ROR2: variants seen among roughly 807,000 people sequenced by gnomAD.
ROR2 encodes the protein tyrosine-protein kinase transmembrane receptor ROR2.
Under a neutral mutation model 74.9 loss-of-function variants are expected in ROR2, and 33 were observed. The observed-to-expected ratio is 0.44, with a 90% CI of 0.33 to 0.59. The LOEUF is 0.59. ROR2 is among the 20% of genes least tolerant of loss of function. ROR2 has a pLI of 0.02. For missense variants in ROR2, 1,216 were observed against 1,313.8 expected (o/e 0.93, Z 1.15); for synonymous variants, 586 against 558.7 (o/e 1.05, Z -0.69).
chr9:91,821,878 G>T (rs1039507313), intron 1 of ROR2, among the ~76,000 whole-genome samples: 1 of 152,118 alleles, frequency 6.6e-6, no homozygotes, highest in South Asian at 2.1e-4. Context: ...TGGGACCGAG[G>T]GTCCTTGTCT....
rs1035785824 is a variant in ROR2 at position 91,877,156 on chromosome 9, T to C, written c.97+72711A>G. ...GAACATGACGTGCAACTGAGAATGATACCCAAACTATCAAGCACGTGCAGG... is the reference window on the plus strand; with the variant it reads ...GAACATGACGTGCAACTGAGAATGACACCCAAACTATCAAGCACGTGCAGG... On this transcript the variant is annotated intron_variant, in intron 1 of 8. Coordinates refer to ENST00000375708, the MANE Select transcript of ROR2 (RefSeq NM_004560.4). Among the ~76,000 whole-genome samples, 7 of 152,206 alleles carry C rather than the reference T, an allele frequency of 4.6e-5. No homozygotes were observed. The South Asian group carries it at 6.2e-4, about 13-fold the overall frequency.
At chr9:91,772,728 T>C (rs17586213) in intron 2 of ROR2, among the ~76,000 whole-genome samples, 5,041 of 152,298 alleles carry the variant, frequency 0.033, 128 homozygotes, top group East Asian at 0.13. Flanking sequence ...CTTTCGGTCA[T>C]GGGAACGCAC....
chr9:91,728,822 T>G (rs1312604307), intron 7 of ROR2, among the ~76,000 whole-genome samples: 1 of 152,222 alleles, frequency 6.6e-6, no homozygotes, highest in African/African-American at 2.4e-5. Flanking sequence ...CAGCAGCTCA[T>G]GTTGGAGCAG....
chr9:91,915,892 G>A (rs949388939), intron 1 of ROR2, among the ~76,000 whole-genome samples: 2 of 152,136 alleles, frequency 1.3e-5, no homozygotes, highest in Non-Finnish European at 1.5e-5. Flanking sequence ...AAACGAAAAA[G>A]TTCTCCAAGT....
intron 1 of ROR2, among the ~76,000 whole-genome samples, chr9:91,783,875 T>C (rs1587715384): frequency 6.6e-6 from 1 of 152,104 alleles, no homozygotes; most frequent in Non-Finnish European, 1.5e-5. Context: ...CTGGATCTTT[T>C]CCTGCCTCCA....
chr9:91,737,423 T>A lies in ROR2; in HGVS notation c.590A>T (p.Gln197Leu). 1 of 1,614,166 alleles carries A rather than the reference T, an allele frequency of 6.2e-7. No individual in the cohort carries two copies. The highest frequency in any genetic ancestry group is 8.5e-7 in the Non-Finnish European group (1 of 1,180,036). The change falls in exon 5 of 9, where the codon CAG becomes CTG. Residue 197 changes from glutamine (Q) to leucine (L), a missense_variant. Transcript: ENST00000375708. ...TCGGTTTTCAATCTCCCCCTGCATC[T>A]GAAGCGAGTCCACATAAATGGTCCG... ...GNRTIYVDSL[Q>L]MQGEIENRIT... is the part of the protein sequence containing the mutation.
rs141028030 is a variant in ROR2 at position 91,822,414 on chromosome 9, G to C, written c.98-46596C>G. Among the ~76,000 whole-genome samples, 4 of 152,256 alleles carry C rather than the reference G, an allele frequency of 2.6e-5. No individual in the cohort carries two copies. The East Asian group carries it at 7.7e-4, about 29-fold the overall frequency. On this transcript the variant is annotated intron_variant, in intron 1 of 8. Coordinates refer to ENST00000375708, the MANE Select transcript of ROR2 (RefSeq NM_004560.4). ...TGGAAGAAAGACTCAAAAACTAAAA[G>C]AACAAAGGCACCTGCTTCCAGGGCT...
chr9:91,933,530 A>G (rs1385228052), intron 1 of ROR2, among the ~76,000 whole-genome samples: 2 of 152,244 alleles, frequency 1.3e-5, no homozygotes, highest in Non-Finnish European at 2.9e-5. Flanking sequence ...ACCAATGTAT[A>G]CATAAATGAC....
At chr9:91,787,746 A>C (rs987902515) in intron 1 of ROR2, among the ~76,000 whole-genome samples, 2 of 152,196 alleles carry the variant, frequency 1.3e-5, no homozygotes, top group African/African-American at 4.8e-5. Context: ...TCCAATTTTT[A>C]ACAGAGAATC....
At chr9:91,928,806 G>A (rs980256783) in intron 1 of ROR2, among the ~76,000 whole-genome samples, 6 of 152,184 alleles carry the variant, frequency 3.9e-5, no homozygotes, top group Non-Finnish European at 8.8e-5. Flanking sequence ...GAGGACCCCC[G>A]TTCAGTGGTG....
chr9:91,745,978 AG>A (rs1825398229), intron 4 of ROR2, among the ~76,000 whole-genome samples: 1 of 152,216 alleles, frequency 6.6e-6, no homozygotes, highest in African/African-American at 2.4e-5. Flanking sequence ...GAACTTGATT[AG>A]GTTGGTGGTC....
chr9:91,727,471 CA>C (rs112475106), intron 7 of ROR2, among the ~76,000 whole-genome samples: 202 of 151,670 alleles, frequency 1.3e-3, no homozygotes, highest in African/African-American at 4.7e-3. Flanking sequence ...CAGAAAGGTA[CA>C]GGGGGCACAC....
intron 1 of ROR2, among the ~76,000 whole-genome samples, chr9:91,867,197 G>A (rs1829659959): frequency 6.6e-6 from 1 of 152,166 alleles, no homozygotes; most frequent in South Asian, 2.1e-4. Context: ...AGCTTCCAGA[G>A]GAGGCTTCCA....
At chr9:91,807,605 C>G (rs960301857) in intron 1 of ROR2, among the ~76,000 whole-genome samples, 1 of 152,168 alleles carries the variant, frequency 6.6e-6, no homozygotes, top group African/African-American at 2.4e-5. Flanking sequence ...AAGAGGCAGT[C>G]TTGCAGAACT....
chr9:91,913,395 T>G (rs1343254160), intron 1 of ROR2, among the ~76,000 whole-genome samples: 3 of 152,148 alleles, frequency 2.0e-5, no homozygotes, highest in Non-Finnish European at 4.4e-5. Context: ...CTCTCTTTGT[T>G]CCAGAGAAGA....
intron 1 of ROR2, among the ~76,000 whole-genome samples, chr9:91,845,785 G>C (rs988335656): frequency 6.9e-6 from 1 of 145,208 alleles, no homozygotes; most frequent in Non-Finnish European, 1.5e-5. Flanking sequence ...AGCCGACACA[G>C]GAGAATTGCT....
At chr9:91,808,005 G>A (rs1282131559) in intron 1 of ROR2, among the ~76,000 whole-genome samples, 2 of 152,044 alleles carry the variant, frequency 1.3e-5, no homozygotes, top group Non-Finnish European at 2.9e-5. Context: ...AGTTGTATTT[G>A]TTACTATAAT....
intron 4 of ROR2, among the ~76,000 whole-genome samples, chr9:91,749,270 C>T (rs1356002698): frequency 6.6e-6 from 1 of 152,164 alleles, no homozygotes; most frequent in Non-Finnish European, 1.5e-5. Context: ...ATATCATAGA[C>T]GGTGGCTTAA....
rs116583453 is a variant in ROR2 at position 91,873,686 on chromosome 9, C to A, written c.97+76181G>T. ...AGACATCTGAAGTGCATTTGAGCCA[C>A]GGCAGATGTACACACCACCTCCACT... is the stretch of plus-strand genomic sequence containing the variant. On this transcript the variant is annotated intron_variant, in intron 1 of 8. Coordinates refer to ENST00000375708, the MANE Select transcript of ROR2 (RefSeq NM_004560.4). Among the ~76,000 whole-genome samples, 451 of 152,294 alleles carry A rather than the reference C, an allele frequency of 3.0e-3. 2 individuals are homozygous for A. Among genetic ancestry groups the A allele is most frequent in the African/African-American group, 0.01 (434 of 41,568 alleles).
Sources: allele counts gnomAD v4.1 joint callset (sites outside exome capture counted in the v4.1 genomes callset), GRCh38; gene constraint gnomAD v4.1.1; transcripts MANE v1.5; gene names NCBI Gene and HGNC (gene_info 2026-07-23, HGNC 2026-07-21).